Variants in DIAPH2 observed in about 807,000 individuals in gnomAD.
DIAPH2 encodes the protein protein diaphanous homolog 2.
Under a neutral mutation model 92.7 loss-of-function variants are expected in DIAPH2, and 35 were observed. That is an observed-to-expected ratio of 0.38 (90% CI 0.29 to 0.50). The LOEUF (loss-of-function observed/expected upper bound fraction) is 0.50. Ranked by LOEUF, DIAPH2 falls within the 20% of genes least tolerant of loss-of-function variation. The probability of loss-of-function intolerance (pLI) is 0.94; values close to 1 mark genes in which losing one functional copy is unlikely to be tolerated. For missense variants in DIAPH2, 701 were observed against 819.5 expected (o/e 0.86, Z 1.77); for synonymous variants, 301 against 280.4 (o/e 1.07, Z -0.73).
At chrX:96,833,644 T>G (rs990027043) in intron 4 of DIAPH2, among the ~76,000 whole-genome samples, 3 of 111,229 alleles carry the variant, frequency 2.7e-5, no homozygotes, top group African/African-American at 9.8e-5. Context: ...CTCATGACTT[T>G]TCTCAGGGGT....
intron 17 of DIAPH2, among the ~76,000 whole-genome samples, chrX:97,005,036 C>G (rs1259317651): frequency 9.0e-6 from 1 of 111,500 alleles, no homozygotes; most frequent in Non-Finnish European, 1.9e-5. Flanking sequence ...TTATCAAATG[C>G]CTATTCAGCA....
chrX:96,733,428 T>C (rs187176753), intron 1 of DIAPH2, among the ~76,000 whole-genome samples: 55 of 110,867 alleles, frequency 5.0e-4, no homozygotes, highest in African/African-American at 1.0e-3. Context: ...TATTGCCTCA[T>C]TGGGGAGCCG....
At chrX:97,064,301 A>G (rs1194328339) in intron 17 of DIAPH2, among the ~76,000 whole-genome samples, 5 of 111,402 alleles carry the variant, frequency 4.5e-5, no homozygotes, top group Non-Finnish European at 9.4e-5. Context: ...GTGATCAGAA[A>G]CTAATCAGCT....
chrX:97,270,897 A>G (rs762774207), intron 23 of DIAPH2, among the ~76,000 whole-genome samples: 3 of 110,509 alleles, frequency 2.7e-5, no homozygotes, highest in South Asian at 3.8e-4. Context: ...TCATTATTCC[A>G]TTGAGCATTT....
chrX:96,721,239 ATCT>A (rs1321559271), intron 1 of DIAPH2, among the ~76,000 whole-genome samples: 3 of 112,099 alleles, frequency 2.7e-5, no homozygotes, highest in African/African-American at 3.2e-5. Context: ...GGTGTATCTA[ATCT>A]TCTTGTCATG....
chrX:97,297,231 G>GA (rs2147621301), intron 23 of DIAPH2, among the ~76,000 whole-genome samples: 1 of 108,219 alleles, frequency 9.2e-6, no homozygotes, highest in South Asian at 4.1e-4. Context: ...AGAGAAACCA[G>GA]AACTGTAAGA....
chrX:97,308,652 G>A (rs956735934), intron 23 of DIAPH2, among the ~76,000 whole-genome samples: 1 of 79,593 alleles, frequency 1.3e-5, no homozygotes, highest in Non-Finnish European at 2.3e-5. Context: ...ACGGAGTCTC[G>A]CACTGTCGTC....
At chrX:97,185,366 T>A in intron 22 of DIAPH2, among the ~76,000 whole-genome samples, 1 of 56,224 alleles carries the variant, frequency 1.8e-5, no homozygotes, top group African/African-American at 1.3e-4. Context: ...TGTATATATA[T>A]ATGTATATAT....
At chrX:96,897,579 C>A (rs769522468) in intron 5 of DIAPH2, among the ~76,000 whole-genome samples, 4 of 110,029 alleles carry the variant, frequency 3.6e-5, no homozygotes, top group Non-Finnish European at 7.6e-5. Flanking sequence ...AAAAGTAAAA[C>A]CCAGTTGCTG....
At chrX:97,482,150 A>C (rs916747438) in intron 26 of DIAPH2, among the ~76,000 whole-genome samples, 1 of 112,476 alleles carries the variant, frequency 8.9e-6, no homozygotes, top group African/African-American at 3.2e-5. Flanking sequence ...TAATGACCAC[A>C]TACAGCATTA....
At chrX:97,302,211 CAAA>C (rs35039257) in intron 23 of DIAPH2, among the ~76,000 whole-genome samples, 1 of 26,698 alleles carries the variant, frequency 3.7e-5, no homozygotes, top group Non-Finnish European at 6.4e-5. Flanking sequence ...GACTCCATCT[CAAA>C]AAAAAAAAAA....
intron 26 of DIAPH2, among the ~76,000 whole-genome samples, chrX:97,447,613 T>C (rs992022700): frequency 1.2e-4 from 13 of 111,493 alleles, no homozygotes; most frequent in African/African-American, 4.2e-4. Context: ...GGTACTGTCA[T>C]GGTAACCTCA....
intron 25 of DIAPH2, among the ~76,000 whole-genome samples, chrX:97,401,797 A>G (rs1353897827): frequency 8.9e-6 from 1 of 112,496 alleles, no homozygotes; most frequent in Non-Finnish European, 1.9e-5. Context: ...AAGTGTGGCA[A>G]CTGAGTTACT....
intron 23 of DIAPH2, among the ~76,000 whole-genome samples, chrX:97,290,908 C>T (rs2068584291): frequency 9.1e-6 from 1 of 109,942 alleles, no homozygotes; most frequent in Non-Finnish European, 1.9e-5. Flanking sequence ...AACCCTGTCT[C>T]TACTAAAATA....
intron 19 of DIAPH2, among the ~76,000 whole-genome samples, chrX:97,091,980 A>G (rs1197658210): frequency 9.2e-6 from 1 of 108,617 alleles, no homozygotes; most frequent in Non-Finnish European, 1.9e-5. Flanking sequence ...ACCAGACACA[A>G]TTCTTTACTG....
At chrX:97,305,631 A>T (rs141353738) in intron 23 of DIAPH2, among the ~76,000 whole-genome samples, 1,331 of 108,964 alleles carry the variant, frequency 0.012, 24 homozygotes, top group African/African-American at 0.043. Flanking sequence ...ACCAACCTGG[A>T]CAACATGGTG....
intron 25 of DIAPH2, among the ~76,000 whole-genome samples, chrX:97,426,291 T>C (rs2070063055): frequency 9.5e-6 from 1 of 105,295 alleles, no homozygotes; most frequent in Non-Finnish European, 2.0e-5. Flanking sequence ...TTCCCTGCCT[T>C]TTTTTTTTTT....
At chrX:96,969,773 A>T (rs1049092844) in intron 17 of DIAPH2, among the ~76,000 whole-genome samples, 1 of 111,190 alleles carries the variant, frequency 9.0e-6, no homozygotes, top group African/African-American at 3.3e-5. Context: ...TACTATGTTT[A>T]ATAGGAACGA....
intron 1 of DIAPH2, among the ~76,000 whole-genome samples, chrX:96,722,409 C>G (rs899372706): frequency 2.7e-5 from 3 of 111,092 alleles, no homozygotes; most frequent in African/African-American, 9.8e-5. Flanking sequence ...TCCTTCTCTC[C>G]TCTTTCTCTC....
Sources: allele counts gnomAD v4.1 joint callset (sites outside exome capture counted in the v4.1 genomes callset), GRCh38; gene constraint gnomAD v4.1.1; transcripts MANE v1.5; gene names NCBI Gene and HGNC (gene_info 2026-07-23, HGNC 2026-07-21).